CNTN5: variants seen among roughly 807,000 people sequenced by gnomAD.
The protein encoded by CNTN5 is contactin-5.
A neutral mutation model predicts 129.1 loss-of-function variants in CNTN5; 77 were observed. That is an observed-to-expected ratio of 0.60 (90% confidence interval 0.50 to 0.72). The LOEUF is 0.72. Among genes scored for constraint, CNTN5 ranks in the 30% least tolerant of loss-of-function variants. The pLI, the probability that CNTN5 is intolerant of heterozygous loss-of-function variation, is 0.00. For missense variants in CNTN5, 1,478 were observed against 1,328.8 expected, an observed-to-expected ratio of 1.11 and a Z score of -1.75; for synonymous variants, 509 against 465.6, an observed-to-expected ratio of 1.09 and a Z score of -1.20.
At chr11:99,675,402 G>T (rs574261894) in intron 3 of CNTN5, among the ~76,000 whole-genome samples, 1 of 152,130 alleles carries the variant, frequency 6.6e-6, no homozygotes, top group Non-Finnish European at 1.5e-5. Flanking sequence ...AAAAATGCAG[G>T]CTGGGTGCGG....
At chr11:99,037,281 T>C (rs958804753) in intron 1 of CNTN5, among the ~76,000 whole-genome samples, 2 of 152,176 alleles carry the variant, frequency 1.3e-5, no homozygotes, top group Admixed American at 1.3e-4. Context: ...TCTGATGGGA[T>C]AATCTTTCAG....
intron 3 of CNTN5, among the ~76,000 whole-genome samples, chr11:99,734,229 A>G (rs1397464159): frequency 3.9e-5 from 6 of 152,200 alleles, no homozygotes; most frequent in Non-Finnish European, 5.9e-5. Context: ...TTATCCTTCC[A>G]TTGTGTTATA....
At chr11:100,224,655 T>G in intron 15 of CNTN5, 37 bp from the exon 16 acceptor site, 1 of 1,591,698 alleles carries the variant, frequency 6.3e-7, no homozygotes, top group Non-Finnish European at 8.6e-7. Flanking sequence ...TAGGCAGATT[T>G]GCAACATTTT....
At chr11:99,791,194 G>A (rs190162034) in intron 3 of CNTN5, among the ~76,000 whole-genome samples, 3 of 151,670 alleles carry the variant, frequency 2.0e-5, no homozygotes, top group Non-Finnish European at 4.4e-5. Flanking sequence ...TGATTTTGGG[G>A]GTCTTAGTCA....
chr11:99,480,158 T>C (rs568243772), intron 2 of CNTN5, among the ~76,000 whole-genome samples: 1 of 152,322 alleles, frequency 6.6e-6, no homozygotes, highest in Non-Finnish European at 1.5e-5. Context: ...TGATGGAGTG[T>C]TAGTTGTCTG....
chr11:99,551,772 G>A (rs79560284), intron 2 of CNTN5, among the ~76,000 whole-genome samples: 3,041 of 152,150 alleles, frequency 0.02, 111 homozygotes, highest in African/African-American at 0.07. Context: ...AAGTATTTGT[G>A]TATCTAAACA....
At chr11:99,186,934 A>G (rs1332626353) in intron 1 of CNTN5, among the ~76,000 whole-genome samples, 1 of 152,106 alleles carries the variant, frequency 6.6e-6, no homozygotes, top group East Asian at 1.9e-4. Flanking sequence ...AAGTAGATAG[A>G]GAAATGAGGG....
chr11:99,760,762 A>G (rs980854584), intron 3 of CNTN5, among the ~76,000 whole-genome samples: 2 of 152,094 alleles, frequency 1.3e-5, no homozygotes, highest in South Asian at 4.1e-4. Context: ...CATATTCCTA[A>G]CTATGTCTGG....
chr11:100,284,408 G>A (rs950931008), intron 18 of CNTN5, among the ~76,000 whole-genome samples: 1 of 152,150 alleles, frequency 6.6e-6, no homozygotes, highest in Non-Finnish European at 1.5e-5. Flanking sequence ...AATAAAGATA[G>A]ACAGCCCTGT....
chr11:100,241,699 T>C (rs1565366100), intron 16 of CNTN5, among the ~76,000 whole-genome samples: 1 of 152,178 alleles, frequency 6.6e-6, no homozygotes, highest in Admixed American at 6.5e-5. Flanking sequence ...ATAAGGCTTG[T>C]GTGGGGAAAG....
chr11:100,152,077 C>G (rs1947080461), intron 13 of CNTN5, among the ~76,000 whole-genome samples: 1 of 152,152 alleles, frequency 6.6e-6, no homozygotes, highest in Non-Finnish European at 1.5e-5. Context: ...CAATCTTCAG[C>G]CTTGAGCCTC....
intron 1 of CNTN5, among the ~76,000 whole-genome samples, chr11:99,180,982 T>A (rs557394489): frequency 1.3e-5 from 2 of 152,244 alleles, no homozygotes; most frequent in Admixed American, 6.5e-5. Context: ...ATTCATCTTA[T>A]AACAACGTAA....
intron 9 of CNTN5, among the ~76,000 whole-genome samples, chr11:100,045,720 T>TAAA (rs34822140): frequency 3.6e-5 from 5 of 140,682 alleles, no homozygotes; most frequent in Non-Finnish European, 4.6e-5. Flanking sequence ...CATTTATTAT[T>TAAA]AAAAAAAAAA....
At chr11:99,177,415 C>T (rs1857829550) in intron 1 of CNTN5, among the ~76,000 whole-genome samples, 1 of 152,122 alleles carries the variant, frequency 6.6e-6, no homozygotes, top group Non-Finnish European at 1.5e-5. Context: ...AATGAGTTAA[C>T]CAATGAGACA....
intron 6 of CNTN5, among the ~76,000 whole-genome samples, chr11:99,893,171 A>C (rs545473144): frequency 6.6e-6 from 1 of 152,184 alleles, no homozygotes; most frequent in Non-Finnish European, 1.5e-5. Context: ...ATGCCTTTAC[A>C]TCAAAAAGGT....
At chr11:99,300,811 T>G (rs888659145) in intron 1 of CNTN5, among the ~76,000 whole-genome samples, 2 of 151,908 alleles carry the variant, frequency 1.3e-5, no homozygotes, top group African/African-American at 2.4e-5. Context: ...CAGGTAAAAG[T>G]AACAATAAAG....
intron 9 of CNTN5, among the ~76,000 whole-genome samples, chr11:100,033,308 T>A (rs530810531): frequency 4.6e-5 from 7 of 152,158 alleles, no homozygotes; most frequent in African/African-American, 1.7e-4. Context: ...CAGAGTAAAA[T>A]AAGGGAGATT....
intron 1 of CNTN5, among the ~76,000 whole-genome samples, chr11:99,074,246 G>A (rs1298686093): frequency 6.9e-6 from 1 of 145,646 alleles, no homozygotes; most frequent in Non-Finnish European, 1.5e-5. Flanking sequence ...TTTTAAATTT[G>A]TTTAAGTTCC....
At chr11:99,692,250 A>G (rs1220070842) in intron 3 of CNTN5, among the ~76,000 whole-genome samples, 1 of 151,994 alleles carries the variant, frequency 6.6e-6, no homozygotes, top group African/African-American at 2.4e-5. Context: ...ATTCAAGGTT[A>G]TTGTTATGTG....
Sources: allele counts gnomAD v4.1 joint callset (sites outside exome capture counted in the v4.1 genomes callset), GRCh38; gene constraint gnomAD v4.1.1; transcripts MANE v1.5; gene names NCBI Gene and HGNC (gene_info 2026-07-23, HGNC 2026-07-21).